The following TMTC2 variants were observed in gnomAD, a reference collection of about 807,000 sequenced individuals.
TMTC2 encodes transmembrane O-mannosyltransferase targeting cadherins 2.
TMTC2 carries 43 observed loss-of-function variants against 82.4 expected under a neutral mutation model. That is an observed-to-expected ratio of 0.52 (90% CI 0.41 to 0.67). TMTC2 has a LOEUF of 0.67. TMTC2 is among the 30% of genes least tolerant of loss of function. The pLI is 0.00. For missense variants in TMTC2, 919 were observed against 1,012.4 expected (o/e 0.91, Z 1.25); for synonymous variants, 408 against 381.9 (o/e 1.07, Z -0.80).
chr12:82,688,843 ATCT>A (rs1872454990), intron 1 of TMTC2, among the ~76,000 whole-genome samples: 2 of 152,164 alleles, frequency 1.3e-5, no homozygotes, highest in Admixed American at 6.5e-5. Flanking sequence ...TGAAGGCAGA[ATCT>A]TCTTCTCGTC....
At chr12:82,949,483 A>G (rs892754480) in intron 4 of TMTC2, among the ~76,000 whole-genome samples, 1 of 152,172 alleles carries the variant, frequency 6.6e-6, no homozygotes, top group Non-Finnish European at 1.5e-5. Context: ...CTTTTTTAAA[A>G]TTTTTTAAAT....
At chr12:82,802,646 G>A (rs1017570941) in intron 1 of TMTC2, among the ~76,000 whole-genome samples, 1 of 152,140 alleles carries the variant, frequency 6.6e-6, no homozygotes, top group Admixed American at 6.6e-5. Flanking sequence ...TGACAAAATA[G>A]GGTAAAGGAG....
chr12:82,895,064 AC>A (rs1355088376), intron 2 of TMTC2, among the ~76,000 whole-genome samples: 4 of 145,186 alleles, frequency 2.8e-5, no homozygotes, highest in Non-Finnish European at 6.0e-5. Context: ...TGATCCACCC[AC>A]CTCAGCCTCC....
At chr12:82,690,283 A>G in intron 1 of TMTC2, 1 of 625,476 alleles carries the variant, frequency 1.6e-6, no homozygotes. Context: ...TGCTTAAACT[A>G]GACCTGTGGA....
At chr12:83,005,886 A>C (rs541698814) in intron 8 of TMTC2, among the ~76,000 whole-genome samples, 1 of 152,206 alleles carries the variant, frequency 6.6e-6, no homozygotes, top group African/African-American at 2.4e-5. Flanking sequence ...GTTCTCTCCC[A>C]GTCCATTCAG....
chr12:82,851,992 C>G (rs756870624), intron 1 of TMTC2, among the ~76,000 whole-genome samples: 2 of 151,816 alleles, frequency 1.3e-5, no homozygotes, highest in African/African-American at 2.4e-5. Flanking sequence ...TAGTGTTGGC[C>G]TTTGTCAACA....
At chr12:82,802,301 G>A (rs11615627) in intron 1 of TMTC2, among the ~76,000 whole-genome samples, 13,404 of 152,250 alleles carry the variant, frequency 0.088, 789 homozygotes, top group Middle Eastern at 0.15. Context: ...CCACCCGTGC[G>A]CAGCCCTTGT....
chr12:82,938,376 G>A (rs978656043), intron 4 of TMTC2, among the ~76,000 whole-genome samples: 12 of 152,060 alleles, frequency 7.9e-5, no homozygotes, highest in Non-Finnish European at 1.6e-4. Context: ...GAGAAGTGAG[G>A]ACTGGTGGAA....
intron 11 of TMTC2, among the ~76,000 whole-genome samples, chr12:83,069,795 A>G (rs1007808378): frequency 9.3e-5 from 14 of 149,882 alleles, no homozygotes; most frequent in African/African-American, 3.2e-4. Context: ...TTTCAATATT[A>G]TCTTTTAGGA....
intron 11 of TMTC2, among the ~76,000 whole-genome samples, chr12:83,100,709 T>C (rs1320786388): frequency 2.0e-5 from 3 of 152,182 alleles, no homozygotes; most frequent in African/African-American, 2.4e-5. Flanking sequence ...AGTCTTGTTG[T>C]AATGCTTTCT....
chr12:82,761,352 G>C (rs151068892), intron 1 of TMTC2, among the ~76,000 whole-genome samples: 1 of 152,314 alleles, frequency 6.6e-6, no homozygotes, highest in Admixed American at 6.5e-5. Context: ...GAGACTTGTG[G>C]CTGGTCAGAT....
At chr12:82,762,479 G>A (rs751051751) in intron 1 of TMTC2, among the ~76,000 whole-genome samples, 11 of 152,144 alleles carry the variant, frequency 7.2e-5, no homozygotes, top group African/African-American at 9.7e-5. Flanking sequence ...GAGGAATGCC[G>A]TGGCCGCTTA....
rs145047830 is a variant in TMTC2 at position 82,785,561 on chromosome 12, C to T, written c.84-71449C>T. Among the ~76,000 whole-genome samples, 451 of 152,128 alleles carry T rather than the reference C, an allele frequency of 3.0e-3. 2 individuals carry two copies. Among genetic ancestry groups the T allele is most frequent in the African/African-American group, 0.01 (436 of 41,544 alleles). On this transcript the variant is annotated intron_variant, in intron 1 of 11. Coordinates refer to ENST00000321196, the MANE Select transcript of TMTC2 (RefSeq NM_152588.3). ...ATATTTAGCAAAATATATGTCCATT[C>T]ATATTTGTCTGCCTGTTGTTGGACT... is the stretch of plus-strand genomic sequence containing the variant.
intron 2 of TMTC2, among the ~76,000 whole-genome samples, chr12:82,876,034 T>TGGC (rs1287508710): frequency 5.1e-5 from 4 of 78,112 alleles, no homozygotes; most frequent in African/African-American, 2.8e-4. Context: ...GTGGCGGTGG[T>TGGC]GGTGGTGGTG....
At chr12:82,980,735 A>G (rs1796157) in intron 7 of TMTC2, among the ~76,000 whole-genome samples, 144,372 of 151,912 alleles carry the variant, frequency 0.95, 68,661 homozygotes, top group East Asian at 1. Context: ...ATAGCTTGGC[A>G]TATGCAATTT....
At chr12:82,743,474 A>G (rs528065500) in intron 1 of TMTC2, among the ~76,000 whole-genome samples, 1 of 151,932 alleles carries the variant, frequency 6.6e-6, no homozygotes, top group Admixed American at 6.6e-5. Context: ...AAAAGCAGAT[A>G]TATGGCTTTT....
intron 2 of TMTC2, 37 bp downstream of exon 2, chr12:82,857,617 A>G (rs1241667978): frequency 1.3e-6 from 2 of 1,536,778 alleles, no homozygotes; most frequent in Non-Finnish European, 1.8e-6. Flanking sequence ...TGGATTACTG[A>G]GTAATCTACT....
rs75203912 is a variant in TMTC2, at chr12:82,816,534, C to T, written c.84-40476C>T. 5.7e-3 allele frequency among the ~76,000 whole-genome samples: 865 copies of T among 152,006 alleles called. 9 individuals carry two copies. Among genetic ancestry groups the T allele is most frequent in the African/African-American group, 0.02 (824 of 41,450 alleles). On this transcript the variant is annotated intron_variant, in intron 1 of 11. Coordinates refer to ENST00000321196, the MANE Select transcript of TMTC2 (RefSeq NM_152588.3). The stretch of plus-strand genomic sequence containing the variant: ...GTTTGAAATGTTGTGGCCTTTGAGA[C>T]GTAGCATGAGTTTGTAATAAGATAG...
rs541459852 is a variant in TMTC2 at position 82,815,921 on chromosome 12, G to A, written c.84-41089G>A. ...AGTGGGACTGGTTTAGTCTGAGGAA[G>A]TCTTTTTCCTCCCTCTATTTTGTAA... is the stretch of plus-strand genomic sequence containing the variant. On this transcript the variant is annotated intron_variant, in intron 1 of 11. Transcript: ENST00000321196. Among the ~76,000 whole-genome samples the A allele has an allele frequency of 3.9e-5, 6 of 152,190 alleles. No homozygotes were observed. The East Asian group carries it at 1.2e-3, about 29-fold the overall frequency.
Sources: allele counts gnomAD v4.1 joint callset (sites outside exome capture counted in the v4.1 genomes callset), GRCh38; gene constraint gnomAD v4.1.1; transcripts MANE v1.5; gene names NCBI Gene and HGNC (gene_info 2026-07-23, HGNC 2026-07-21).